Variants in BPTF observed in about 807,000 individuals in gnomAD.
BPTF encodes nucleosome-remodeling factor subunit BPTF.
In BPTF, 18 loss-of-function variants were observed where a neutral mutation model predicts 292.5. That is an observed-to-expected ratio of 0.06 (90% CI 0.04 to 0.09). The LOEUF is 0.09. BPTF is among the 10% of genes least tolerant of loss of function. The pLI, the probability that BPTF is intolerant of heterozygous loss-of-function variation, is 1.00. For missense variants in BPTF, 2,726 were observed against 3,498.7 expected (o/e 0.78, Z 5.57); for synonymous variants, 1,225 against 1,251.9 (o/e 0.98, Z 0.45).
At chr17:67,956,001 G>A (rs2066895538) in intron 23 of BPTF, 6 of 151,798 alleles carry the variant, frequency 4.0e-5, no homozygotes, top group Admixed American at 3.3e-4. Context: ...GAATTCTCTG[G>A]GTGTTATGAT....
At chr17:67,969,323 G>A (rs988574290) in intron 26 of BPTF, among the ~76,000 whole-genome samples, 1 of 150,128 alleles carries the variant, frequency 6.7e-6, no homozygotes, top group Non-Finnish European at 1.5e-5. Context: ...GTGTGGTGGC[G>A]GGTGCCTGTA....
In BPTF at chr17:67,928,448, G is replaced by T. The variant is rs765543559; in HGVS notation, c.5845G>T (p.Val1949Phe). The T allele has an allele frequency of 6.2e-7, 1 of 1,614,134 alleles. No homozygotes were observed. Among genetic ancestry groups the T allele is most frequent in the South Asian group, 1.1e-5 (1 of 91,084 alleles). The change falls in exon 16 of 28, where the codon GTT (valine) becomes TTT (phenylalanine). Residue 1949 changes from valine to phenylalanine, a missense_variant. By Grantham distance (50) the Val-to-Phe change is conservative. Transcript: ENST00000306378. ...CAGCACCATCTCTCCAGCACAGAAG[G>T]TTATGGTGGCCCCCATAAGTGGCTC... ...TTSTISPAQK[V>F]MVAPISGSVT...
intron 9 of BPTF, among the ~76,000 whole-genome samples, chr17:67,905,303 G>A (rs1343228161): frequency 3.9e-5 from 6 of 152,030 alleles, no homozygotes; most frequent in Non-Finnish European, 7.4e-5. Context: ...AGCTACTGAG[G>A]AGGCTGAGGC....
intron 18 of BPTF, among the ~76,000 whole-genome samples, chr17:67,938,396 A>T (rs949452530): frequency 1.3e-5 from 2 of 152,238 alleles, no homozygotes; most frequent in African/African-American, 4.8e-5. Flanking sequence ...CTTTCAGTTC[A>T]TCTTGAGTAA....
At chr17:67,917,131 C>CTTTTCCTTTTTTTTTT (rs1194058584) in intron 11 of BPTF, among the ~76,000 whole-genome samples, 1 of 105,808 alleles carries the variant, frequency 9.5e-6, no homozygotes, top group Admixed American at 1.1e-4. Flanking sequence ...TGGTATTGTC[C>CTTTTCCTTTTTTTTTT]TTTTTTTTTT....
chr17:67,975,162 A>G (rs2069253993), intron 26 of BPTF: 1 of 152,212 alleles, frequency 6.6e-6, no homozygotes. Flanking sequence ...ACACCCATCT[A>G]TCACCATAAT....
chr17:67,954,606 G>C (rs1265517015), intron 23 of BPTF, among the ~76,000 whole-genome samples: 13 of 152,226 alleles, frequency 8.5e-5, no homozygotes, highest in African/African-American at 3.1e-4. Flanking sequence ...TTTTAGTCCT[G>C]CTCACAGTTT....
intron 18 of BPTF, among the ~76,000 whole-genome samples, chr17:67,934,778 A>G (rs1229830672): frequency 6.8e-6 from 1 of 147,678 alleles, no homozygotes; most frequent in Non-Finnish European, 1.5e-5. Context: ...AGGCTGAGGC[A>G]GGAGAATTGC....
intron 23 of BPTF, among the ~76,000 whole-genome samples, chr17:67,949,374 A>C (rs1555677166): frequency 6.6e-6 from 1 of 151,968 alleles, no homozygotes; most frequent in African/African-American, 2.4e-5. Context: ...CAGGAGTTCG[A>C]GACCAGCCAG....
At chr17:67,853,510 A>G (rs974071377) in intron 1 of BPTF, among the ~76,000 whole-genome samples, 6 of 152,148 alleles carry the variant, frequency 3.9e-5, no homozygotes, top group African/African-American at 1.2e-4. Flanking sequence ...TGTGAGATCT[A>G]TTGCCCCTAC....
rs1176844698 is a variant in BPTF, at chr17:67,887,945, A to G, written c.1865-3899A>G. Among the ~76,000 whole-genome samples the G allele has an allele frequency of 2.6e-5, 4 of 152,194 alleles. No homozygotes were observed. The South Asian group carries it at 8.3e-4, about 31-fold the overall frequency. On this transcript the variant is annotated intron_variant, in intron 4 of 27. Transcript: ENST00000306378. ...CAAATCAGAAGCCCTTGAGGAAGGA[A>G]TTTGAGTGGCTTATCTTGGATCATA...
chr17:67,905,742 A>G (rs1452293452), intron 9 of BPTF, among the ~76,000 whole-genome samples: 1 of 152,114 alleles, frequency 6.6e-6, no homozygotes, highest in East Asian at 1.9e-4. Flanking sequence ...GTACTAATTC[A>G]CTGAGGAGTC....
intron 7 of BPTF, among the ~76,000 whole-genome samples, chr17:67,896,756 TC>T (rs1240972127): frequency 1.3e-5 from 2 of 152,222 alleles, no homozygotes; most frequent in African/African-American, 4.8e-5. Flanking sequence ...ATCTGGATGT[TC>T]ATGAAAGTAC....
At chr17:67,923,057 T>TAAA in intron 14 of BPTF, 67 bp downstream of exon 14, 6 of 206,116 alleles carry the variant, frequency 2.9e-5, no homozygotes, top group South Asian at 1.4e-4. Context: ...AATAAATTAC[T>TAAA]TTTTTTTTTT....
rs753204042 is a variant in BPTF at position 67,912,476 on chromosome 17, T to A, written c.4592T>A (p.Val1531Glu). 13 of 1,613,728 alleles carry A rather than the reference T, an allele frequency of 8.1e-6. No individual in the cohort carries two copies. In the Middle Eastern group the frequency reaches 6.6e-4, roughly 82 times the overall value. ...SCPESNSVNQ[V>E]EDMEIETSEV... ...CCAGAAAGCAATTCAGTTAATCAGG[T>A]AGAAGATATGGAAATAGAAACCTCA... The change falls in exon 11 of 28, where the codon GTA becomes GAA. Residue 1531 changes from valine (V) to glutamate (E), a missense_variant. Val to Glu is a moderately radical substitution (Grantham distance 121). Around this residue, in one of 22 missense-constraint regions of BPTF, gnomAD observed 713 missense variants for 714.9 expected, o/e 1.00. Transcript: ENST00000306378.
At chr17:67,970,228 C>T (rs1427549588) in intron 26 of BPTF, among the ~76,000 whole-genome samples, 8 of 150,770 alleles carry the variant, frequency 5.3e-5, no homozygotes, top group African/African-American at 2.0e-4. Context: ...AAGAGTGAAA[C>T]TCCATCTCAA....
intron 26 of BPTF, among the ~76,000 whole-genome samples, chr17:67,970,050 A>G (rs1213317606): frequency 6.6e-6 from 1 of 152,106 alleles, no homozygotes. Context: ...CCTGACCAAC[A>G]TGGCGAAACC....
intron 2 of BPTF, among the ~76,000 whole-genome samples, chr17:67,857,043 T>C (rs2058730848): frequency 6.6e-6 from 1 of 152,116 alleles, no homozygotes; most frequent in Non-Finnish European, 1.5e-5. Context: ...AGATCAGGCT[T>C]TCTTGGGTCT....
intron 18 of BPTF, 32 bp downstream of exon 18, chr17:67,932,051 T>G (rs759277757): frequency 1.3e-6 from 2 of 1,557,172 alleles, no homozygotes; most frequent in Non-Finnish European, 1.8e-6. Context: ...TCATTTTACA[T>G]CTCAACAGCC....
Sources: gnomAD v4.1 joint callset for allele counts (sites outside exome capture counted in the v4.1 genomes callset) on GRCh38, gnomAD v4.1.1 for gene constraint, gnomAD v4.1.1 regional missense constraint, MANE v1.5 for transcripts, NCBI Gene and HGNC (gene_info 2026-07-23, HGNC 2026-07-21) for gene names.